Variants in ANK1 observed in about 807,000 individuals in gnomAD.
ANK1 encodes the protein ankyrin 1, also known as ankyrin-1.
A neutral mutation model predicts 210.4 loss-of-function variants in ANK1; 51 were observed. The ratio of observed to expected loss-of-function variants is 0.24; its 90% CI spans 0.19 to 0.31. The LOEUF is 0.31. ANK1 is among the 10% of genes least tolerant of loss of function. The pLI is 1.00. For synonymous variants in ANK1, 967 were observed against 1,025.9 expected, an observed-to-expected ratio of 0.94 and a Z score of 1.10; for missense variants, 2,051 against 2,504.4, an observed-to-expected ratio of 0.82 and a Z score of 3.86.
intron 1 of ANK1, among the ~76,000 whole-genome samples, chr8:41,859,336 GTGTTTGTT>G (rs368482975): frequency 0.013 from 2,047 of 152,006 alleles, 37 homozygotes; most frequent in African/African-American, 0.046. Flanking sequence ...TTGTTTGTTT[GTGTTTGTT>G]TGTTTGTTTG....
chr8:41,892,166 C>CCCTCCATCCCACTTTCCCCA (rs1819568947), intron 1 of ANK1, among the ~76,000 whole-genome samples: 1 of 151,872 alleles, frequency 6.6e-6, no homozygotes, highest in Non-Finnish European at 1.5e-5. Context: ...CCACTTTCCC[C>CCCTCCATCCCACTTTCCCCA]CCTCCATCCC....
chr8:41,725,996 C>T (rs1426517997), intron 5 of ANK1, 50 bp from the exon 6 acceptor site: 1 of 1,590,314 alleles, frequency 6.3e-7, no homozygotes, highest in Non-Finnish European at 8.6e-7. Context: ...ACGCCAGCCG[C>T]CCTTCACACG....
intron 1 of ANK1, among the ~76,000 whole-genome samples, chr8:41,857,534 T>A (rs1043147612): frequency 3.3e-5 from 5 of 150,896 alleles, no homozygotes; most frequent in African/African-American, 1.2e-4. Context: ...AGGTTGGGAG[T>A]TCGAGACCAG....
At chr8:41,830,401 C>G (rs1806366237) in intron 1 of ANK1, among the ~76,000 whole-genome samples, 1 of 151,632 alleles carries the variant, frequency 6.6e-6, no homozygotes, top group Admixed American at 6.6e-5. Context: ...TAAGCTAAAT[C>G]ATCAATCAAA....
chr8:41,659,534 G>A (rs962933497), intron 42 of ANK1, among the ~76,000 whole-genome samples: 13 of 152,288 alleles, frequency 8.5e-5, no homozygotes, highest in Non-Finnish European at 1.2e-4. Flanking sequence ...CATGCTTGTC[G>A]GGGATGCGGA....
intron 1 of ANK1, among the ~76,000 whole-genome samples, chr8:41,784,480 A>G (rs1845960222): frequency 6.6e-6 from 1 of 152,228 alleles, no homozygotes; most frequent in Non-Finnish European, 1.5e-5. Flanking sequence ...ATACAATTCA[A>G]TGCTACCACC....
intron 42 of ANK1, 44 bp downstream of exon 42, chr8:41,661,386 C>T: frequency 6.2e-7 from 1 of 1,610,362 alleles, no homozygotes. Flanking sequence ...AGCCACTCCA[C>T]TGAAGACCAG....
chr8:41,890,708 CAAAAAAA>C (rs557921949), intron 1 of ANK1, among the ~76,000 whole-genome samples: 10 of 63,000 alleles, frequency 1.6e-4, no homozygotes, highest in East Asian at 4.7e-4. Flanking sequence ...GACTCCGTCT[CAAAAAAA>C]AAAAAAAAAA....
chr8:41,725,946 C>G lies in ANK1; in HGVS notation c.427G>C (p.Asp143His), dbSNP rs1292951644. 1 of 1,613,290 alleles carries G rather than the reference C, an allele frequency of 6.2e-7. No individual in the cohort carries two copies. Among genetic ancestry groups the G allele is most frequent in the East Asian group, 2.2e-5 (1 of 44,870 alleles). Reference protein sequence around the residue: ...NGANQNVATEDGFTPLAVALQ... With the variant: ...NGANQNVATEHGFTPLAVALQ... ...GCTACCGCCAGAGGCGTGAAGCCGT[C>G]CTGGCCAGAGGAGGAAAATGCTTTG... The change falls in exon 6 of 43, where the codon GAC (aspartate) becomes CAC (histidine). Residue 143 changes from aspartate (D) to histidine (H), a missense_variant and splice_region_variant. Coordinates refer to ENST00000289734, the MANE Select transcript of ANK1 (RefSeq NM_000037.4).
chr8:41,895,945 C>A (rs1454883866), intron 1 of ANK1, among the ~76,000 whole-genome samples: 1 of 151,954 alleles, frequency 6.6e-6, no homozygotes, highest in African/African-American at 2.4e-5. Flanking sequence ...CGCGTTTACC[C>A]AAACCAGCTC....
Position 41,723,192 on chromosome 8 carries a change from C to T in ANK1, c.842G>A (p.Arg281Gln), listed in dbSNP as rs752903517. Reference sequence around the variant, plus strand: ...CTCTGAGATTCGCACGTGCCCATTTCGAGCTGCACAGTGGAGAGGTGTCAA... The same window carrying T: ...CTCTGAGATTCGCACGTGCCCATTTTGAGCTGCACAGTGGAGAGGTGTCAA... ...DELTPLHCAARNGHVRISEIL... is the reference protein window; with the variant it reads ...DELTPLHCAAQNGHVRISEIL... Residue 281 changes from arginine to glutamine, a missense_variant, in exon 9 of 43, where the codon CGA becomes CAA. Physicochemically the swap from Arg to Gln is conservative, Grantham distance 43 (BLOSUM62 1). Around this residue, in one of 6 missense-constraint regions of ANK1, gnomAD observed 1,413 missense variants for 1,707.4 expected, o/e 0.83. Transcript: ENST00000289734. 3.1e-6 allele frequency: 5 copies of T among 1,614,006 alleles called. No homozygotes were observed. Among genetic ancestry groups the T allele is most frequent in the South Asian group, 1.1e-5 (1 of 91,082 alleles).
intron 23 of ANK1, among the ~76,000 whole-genome samples, chr8:41,698,991 G>T (rs1435126386): frequency 6.6e-6 from 1 of 152,012 alleles, no homozygotes; most frequent in East Asian, 1.9e-4. Flanking sequence ...TAGGGACAGG[G>T]TTTCACCATG....
At chr8:41,856,485 T>G (rs1199078005) in intron 1 of ANK1, among the ~76,000 whole-genome samples, 1 of 152,212 alleles carries the variant, frequency 6.6e-6, no homozygotes, top group Non-Finnish European at 1.5e-5. Flanking sequence ...TTAACAGCTG[T>G]TTCTTTAACA....
intron 15 of ANK1, 146 bp from the exon 16 acceptor site, chr8:41,714,400 A>C: frequency 1.6e-6 from 1 of 617,180 alleles, no homozygotes. Flanking sequence ...GAGTCATGAC[A>C]GAATGTCATC....
intron 15 of ANK1, among the ~76,000 whole-genome samples, chr8:41,714,677 T>C (rs1022146141): frequency 4.0e-5 from 6 of 151,784 alleles, no homozygotes; most frequent in Admixed American, 6.6e-5. Flanking sequence ...CTGGGCAACA[T>C]AGTGAGACCC....
At chr8:41,818,372 TAACTTGGTTCTA>T (rs1232801736) in intron 1 of ANK1, among the ~76,000 whole-genome samples, 3 of 152,204 alleles carry the variant, frequency 2.0e-5, no homozygotes, top group African/African-American at 7.2e-5. Flanking sequence ...TAAACAATTT[TAACTTGGTTCTA>T]AACTTGATTT....
chr8:41,689,553 T>A (rs966495824), intron 33 of ANK1, among the ~76,000 whole-genome samples: 1 of 152,290 alleles, frequency 6.6e-6, no homozygotes, highest in Admixed American at 6.5e-5. Context: ...GGAAGGCTAA[T>A]GATTAAAACA....
intron 20 of ANK1, among the ~76,000 whole-genome samples, chr8:41,703,450 A>ATAT (rs59985416): frequency 5.4e-4 from 32 of 58,820 alleles, no homozygotes; most frequent in South Asian, 3.8e-3. Context: ...ATATATATAT[A>ATAT]TTTTTTTTTT....
intron 1 of ANK1, among the ~76,000 whole-genome samples, chr8:41,780,907 G>T (rs1191210671): frequency 2.0e-5 from 3 of 152,062 alleles, no homozygotes; most frequent in Admixed American, 6.5e-5. Flanking sequence ...CTGGGGCTGG[G>T]GACAGGGTTG....
Sources: allele counts gnomAD v4.1 joint callset (sites outside exome capture counted in the v4.1 genomes callset), GRCh38; gene constraint gnomAD v4.1.1; regional missense constraint gnomAD v4.1.1; transcripts MANE v1.5; gene names NCBI Gene and HGNC (gene_info 2026-07-23, HGNC 2026-07-21).